The following CD109 variants were observed in gnomAD, a reference collection of about 807,000 sequenced individuals.
CD109 encodes CD109 molecule.
In CD109, 149 loss-of-function variants were observed where a neutral mutation model predicts 165.8. The ratio of observed to expected loss-of-function variants is 0.90; its 90% CI spans 0.79 to 1.03. CD109 has a LOEUF of 1.03. Among genes scored for constraint, CD109 ranks in the 50% least tolerant of loss-of-function variants. CD109 has a pLI of 0.00. For missense variants in CD109, 1,712 were observed against 1,677.8 expected (o/e 1.02, Z -0.36); for synonymous variants, 585 against 592.1 (o/e 0.99, Z 0.18).
chr6:73,750,394 A>C (rs1247639576), intron 5 of CD109, among the ~76,000 whole-genome samples: 1 of 152,176 alleles, frequency 6.6e-6, no homozygotes, highest in Non-Finnish European at 1.5e-5. Context: ...AAAAGCAAGC[A>C]AGTTCAGGCA....
chr6:73,827,076 C>G lies in CD109; in HGVS notation c.*3443C>G, dbSNP rs1042112399. ...AAGAATTATTTTATTAACCTGCTGG[C>G]ATATAATCTGGAGTTCTTTTCACAA... On this transcript the variant is annotated 3_prime_UTR_variant, in exon 33 of 33. Coordinates refer to ENST00000287097, the MANE Select transcript of CD109 (RefSeq NM_133493.5). 1.3e-5 allele frequency: 2 copies of G among 152,120 alleles called. No homozygotes were observed. Among genetic ancestry groups the G allele is most frequent in the South Asian group, 4.1e-4 (2 of 4,820 alleles). 9.4% of individuals were successfully genotyped at this position (152,120 alleles called of 1,614,324 possible). A position where few individuals can be genotyped will look rare whatever the true frequency, so the allele number is the denominator to read the frequency against.
chr6:73,804,900 T>C (rs1304618794), intron 24 of CD109, among the ~76,000 whole-genome samples: 1 of 152,174 alleles, frequency 6.6e-6, no homozygotes, highest in Non-Finnish European at 1.5e-5. Flanking sequence ...CATTAAAAAA[T>C]GCTCATCATC....
intron 3 of CD109, 58 bp downstream of exon 3, chr6:73,723,337 AAATT>A: frequency 7.9e-7 from 1 of 1,263,062 alleles, no homozygotes; most frequent in African/African-American, 1.5e-5. Flanking sequence ...TGAACTAAAT[AAATT>A]AATATTTTAT....
chr6:73,681,324 TTGTG>T, the CD109 span, among the ~76,000 whole-genome samples: 10,321 of 145,592 alleles, frequency 0.071, 593 homozygotes, highest in African/African-American at 0.16. Flanking sequence ...CAGTTACCAT[TTGTG>T]TGTGTGTGTG....
In CD109 at chr6:73,762,229, G is replaced by A. The variant is rs574257892; in HGVS notation, c.759-155G>A. Among the ~76,000 whole-genome samples the A allele has an allele frequency of 2.0e-5, 3 of 152,364 alleles. No individual in the cohort carries two copies. The South Asian group carries it at 6.2e-4, about 32-fold the overall frequency. On this transcript the variant is annotated intron_variant, in intron 7 of 32. Transcript: ENST00000287097. The stretch of plus-strand genomic sequence containing the variant: ...ACCCGCCTCGGCCTCCCAAAGTGCT[G>A]GGATTACAGGCGTGAGCCACCGCTC...
intron 24 of CD109, among the ~76,000 whole-genome samples, chr6:73,805,211 G>C (rs1221676748): frequency 4.6e-5 from 7 of 152,180 alleles, no homozygotes; most frequent in Admixed American, 4.6e-4. Flanking sequence ...ACTCCATTTT[G>C]TTCTGTACTA....
chr6:73,780,865 T>TATAATATATAAA, intron 16 of CD109, among the ~76,000 whole-genome samples: 2 of 148,710 alleles, frequency 1.3e-5, no homozygotes, highest in Non-Finnish European at 1.5e-5. Flanking sequence ...TTTATATATA[T>TATAATATATAAA]TTCCTTGACT....
intron 2 of CD109, 79 bp downstream of exon 2, chr6:73,697,651 T>C: frequency 1.5e-6 from 2 of 1,332,874 alleles, no homozygotes; most frequent in South Asian, 1.4e-5. Context: ...TTAGGTAGTA[T>C]AGCAGAGAAA....
intron 2 of CD109, 36 bp downstream of exon 2, chr6:73,697,608 G>C: frequency 6.4e-7 from 1 of 1,573,150 alleles, no homozygotes; most frequent in African/African-American, 1.4e-5. Context: ...CCCTTCTGCA[G>C]TAATAACTGG....
rs1324061649 is a variant in CD109, at chr6:73,811,017, T to G, written c.3572T>G (p.Leu1191Arg). ...GATACCACTGTGGCTTTAAAGGCTC[T>G]GTCTGAATTTGCAGCCCTAATGAAT... ...TQDTTVALKA[L>R]SEFAALMNTE... Residue 1191 changes from leucine to arginine, a missense_variant, in exon 28 of 33, where the codon CTG becomes CGG. Transcript: ENST00000287097. The G allele has an allele frequency of 6.2e-6, 10 of 1,613,342 alleles. No homozygotes were observed. In the East Asian group the frequency reaches 2.0e-4, roughly 32 times the overall value.
At chr6:73,708,314 C>T (rs1771380936) in intron 2 of CD109, among the ~76,000 whole-genome samples, 1 of 152,096 alleles carries the variant, frequency 6.6e-6, no homozygotes, top group South Asian at 2.1e-4. Context: ...CATGTCCCTA[C>T]AAAGGACATG....
intron 5 of CD109, among the ~76,000 whole-genome samples, chr6:73,749,590 G>A (rs965273694): frequency 1.1e-4 from 16 of 152,258 alleles, no homozygotes; most frequent in African/African-American, 3.6e-4. Context: ...AAACTTTTGT[G>A]TATTTTACTT....
intron 24 of CD109, among the ~76,000 whole-genome samples, chr6:73,804,715 G>A (rs1775503383): frequency 6.6e-6 from 1 of 152,228 alleles, no homozygotes; most frequent in Admixed American, 6.5e-5. Context: ...GTTTGCTTGT[G>A]AACTATGTAT....
chr6:73,750,520 C>T (rs139874497), intron 5 of CD109, among the ~76,000 whole-genome samples: 6 of 152,190 alleles, frequency 3.9e-5, no homozygotes, highest in Admixed American at 2.0e-4. Context: ...CCTGGCATAC[C>T]GAGCATCTTC....
At chr6:73,804,271 C>G (rs1361960179) in intron 24 of CD109, among the ~76,000 whole-genome samples, 5 of 152,224 alleles carry the variant, frequency 3.3e-5, no homozygotes, top group African/African-American at 1.2e-4. Context: ...CAAATTTTCT[C>G]TTGGCCTTGG....
rs768813464 is a variant in CD109, at chr6:73,736,498, T to C, written c.623T>C (p.Val208Ala). The C allele has an allele frequency of 1.9e-6, 3 of 1,611,140 alleles. No homozygotes were observed. Among genetic ancestry groups the C allele is most frequent in the Non-Finnish European group, 2.5e-6 (3 of 1,178,966 alleles). ...ATACTTGGTGACTGGTCTATTCAAG[T>C]TCAAGTGAATGTGAGTATAAATATA... ...HPILGDWSIQ[V>A]QVNDQTYYQS... The change falls in exon 5 of 33, where the codon GTT becomes GCT. Residue 208 changes from valine to alanine, a missense_variant. By Grantham distance (64) the Val-to-Ala change is moderately conservative. Coordinates refer to ENST00000287097, the MANE Select transcript of CD109 (RefSeq NM_133493.5).
At chr6:73,782,580 T>C in intron 17 of CD109, 34 bp from the exon 18 acceptor site, 1 of 1,596,964 alleles carries the variant, frequency 6.3e-7, no homozygotes. Flanking sequence ...CTCCAGTGAC[T>C]GTTTTTCTAA....
intron 14 of CD109, among the ~76,000 whole-genome samples, chr6:73,768,883 C>T (rs1334820884): frequency 6.6e-6 from 1 of 152,238 alleles, no homozygotes; most frequent in East Asian, 1.9e-4. Context: ...CTGCCCTCTC[C>T]ATCCTCTTAT....
intron 5 of CD109, 119 bp downstream of exon 5, chr6:73,736,627 C>T: frequency 1.3e-6 from 1 of 798,278 alleles, no homozygotes; most frequent in East Asian, 2.8e-5. Flanking sequence ...AACATTTAGA[C>T]AATTTAAACG....
Sources: gnomAD v4.1 joint callset for allele counts (sites outside exome capture counted in the v4.1 genomes callset) on GRCh38, gnomAD v4.1.1 for gene constraint, MANE v1.5 for transcripts, NCBI Gene and HGNC (gene_info 2026-07-23, HGNC 2026-07-21) for gene names.